Variants in CCN4 observed in about 807,000 individuals in gnomAD.
CCN4 encodes cellular communication network factor 4, also known as CCN family member 4.
In CCN4, 30 loss-of-function variants were observed where a neutral mutation model predicts 36.7. That is an observed-to-expected ratio of 0.82 (90% CI 0.61 to 1.11). The LOEUF (loss-of-function observed/expected upper bound fraction) is 1.11. CCN4 is among the 50% of genes least tolerant of loss of function. The probability of loss-of-function intolerance (pLI) is 0.00; values close to 1 mark genes in which losing one functional copy is unlikely to be tolerated. For synonymous variants in CCN4, 191 were observed against 195.4 expected, an observed-to-expected ratio of 0.98 and a Z score of 0.19; for missense variants, 505 against 504.9, an observed-to-expected ratio of 1.00 and a Z score of 0.00.
In CCN4 at chr8:133,227,953, C is replaced by T. The variant is rs1296818067; in HGVS notation, c.*243C>T. ...AATGCCTGTCTCTAGCTGTTCTGGACTACACCCAAGCCTGATCCAGCCTTT... is the reference window on the plus strand; with the variant it reads ...AATGCCTGTCTCTAGCTGTTCTGGATTACACCCAAGCCTGATCCAGCCTTT... On this transcript the variant is annotated 3_prime_UTR_variant, in exon 5 of 5. Transcript: ENST00000250160. 2.0e-6 allele frequency: 1 copy of T among 490,414 alleles called. No individual in the cohort carries two copies. The highest frequency in any genetic ancestry group is 1.9e-5 in the African/African-American group (1 of 51,946). The allele number at this position is 490,414 out of a possible 1,614,324, so 30.4% of individuals were successfully genotyped here.
Position 133,212,859 on chromosome 8 carries a change from C to A in CCN4, c.70-5C>A, listed in dbSNP as rs779719054. The A allele has an allele frequency of 5.1e-6, 8 of 1,568,214 alleles. No homozygotes were observed. The East Asian group carries it at 9.2e-5, about 18-fold the overall frequency. ...CCCCCCTTTCCCTCTGCCCTCCCCC[C>A]GCAGGCCCTCTCTCCAGCCCCTACG... On this transcript the variant is annotated splice_region_variant and splice_polypyrimidine_tract_variant and intron_variant, in intron 1 of 4. Coordinates refer to ENST00000250160, the MANE Select transcript of CCN4 (RefSeq NM_003882.4).
chr8:133,208,413 G>C (rs1263068504), intron 1 of CCN4, among the ~76,000 whole-genome samples: 1 of 152,190 alleles, frequency 6.6e-6, no homozygotes, highest in Non-Finnish European at 1.5e-5. Context: ...ACTGGATACA[G>C]TGTGGTGTTT....
chr8:133,206,379 G>A (rs753396849), intron 1 of CCN4, among the ~76,000 whole-genome samples: 14 of 152,206 alleles, frequency 9.2e-5, no homozygotes, highest in African/African-American at 2.7e-4. Flanking sequence ...CTCCGCAAGC[G>A]GATGTGCAAG....
At chr8:133,196,499 A>C (rs1258442908) in intron 1 of CCN4, among the ~76,000 whole-genome samples, 1 of 152,158 alleles carries the variant, frequency 6.6e-6, no homozygotes. Context: ...GAAAATGTAA[A>C]ATTTCATCTA....
intron 1 of CCN4, among the ~76,000 whole-genome samples, chr8:133,210,178 G>A (rs1453325791): frequency 6.6e-6 from 1 of 152,170 alleles, no homozygotes; most frequent in Non-Finnish European, 1.5e-5. Flanking sequence ...GCAAGGCCCG[G>A]GCCCTGCCCT....
chr8:133,226,610 G>A (rs1854745811), intron 4 of CCN4, among the ~76,000 whole-genome samples: 1 of 152,220 alleles, frequency 6.6e-6, no homozygotes, highest in Non-Finnish European at 1.5e-5. Flanking sequence ...AGGAATGACA[G>A]CAAAGGTCGT....
Position 133,227,653 on chromosome 8 carries a change from C to A in CCN4, c.1047C>A (p.Pro349=). The A allele has an allele frequency of 6.2e-7, 1 of 1,614,168 alleles. No homozygotes were observed. The highest frequency in any genetic ancestry group is 1.3e-5 in the African/African-American group (1 of 75,054). ...TCTGTAACCTGAGCTGTAGGAATCC[C>A]AATGACATCTTTGCTGACTTGGAAT... is the stretch of plus-strand genomic sequence containing the variant. ...ACFCNLSCRN[P]NDIFADLESY... is the part of the protein sequence containing the mutation. Residue 349 remains proline (P), a synonymous_variant, in exon 5 of 5, where the codon CCC becomes CCA. Transcript: ENST00000250160.
rs1012246307 is a variant in CCN4, at chr8:133,225,267, G to A, written c.611-123G>A. 4 of 983,918 alleles carry A rather than the reference G, an allele frequency of 4.1e-6. No individual in the cohort carries two copies. In the Admixed American group the frequency reaches 7.4e-5, roughly 18 times the overall value. The allele number at this position is 983,918 out of a possible 1,614,324, so 60.9% of individuals were successfully genotyped here. A position where few individuals can be genotyped will look rare whatever the true frequency, so the allele number is the denominator to read the frequency against. On this transcript the variant is annotated intron_variant, in intron 3 of 4. Transcript: ENST00000250160. Reference sequence around the variant, plus strand: ...AGAAGCCAACTTGCTGTCCTGTGGGGAGGTACAGCCAATTTCTGTGTTCCT... The same window carrying A: ...AGAAGCCAACTTGCTGTCCTGTGGGAAGGTACAGCCAATTTCTGTGTTCCT...
chr8:133,202,462 T>G (rs1853621007), intron 1 of CCN4, among the ~76,000 whole-genome samples: 1 of 152,008 alleles, frequency 6.6e-6, no homozygotes, highest in African/African-American at 2.4e-5. Flanking sequence ...GACAAATGAG[T>G]GAATGCATGA....
At chr8:133,212,101 T>A (rs530913931) in intron 1 of CCN4, among the ~76,000 whole-genome samples, 1 of 152,074 alleles carries the variant, frequency 6.6e-6, no homozygotes, top group Non-Finnish European at 1.5e-5. Context: ...GACTGGGGGA[T>A]GGGAATGGGG....
chr8:133,201,064 G>A (rs758028682), intron 1 of CCN4, among the ~76,000 whole-genome samples: 15 of 152,106 alleles, frequency 9.9e-5, no homozygotes, highest in Non-Finnish European at 1.9e-4. Flanking sequence ...CATCCTCGTA[G>A]CCCTTACTTA....
chr8:133,213,040 G>T lies in CCN4; in HGVS notation c.246G>T (p.Gln82His). Residue 82 changes from glutamine to histidine, a missense_variant, in exon 2 of 5, where the codon CAG becomes CAT. By Grantham distance (24) the Gln-to-His change is conservative. Transcript: ENST00000250160. ...AGTGCTGTAAGATGTGCGCTCAGCA[G>T]CTTGGGGACAACTGCACGGAGGCTG... ...GCECCKMCAQ[Q>H]LGDNCTEAAI... 6.2e-7 allele frequency: 1 copy of T among 1,614,172 alleles called. No homozygotes were observed. Among genetic ancestry groups the T allele is most frequent in the Non-Finnish European group, 8.5e-7 (1 of 1,180,004 alleles).
chr8:133,226,145 A>T (rs980920527), intron 4 of CCN4, among the ~76,000 whole-genome samples: 5 of 152,242 alleles, frequency 3.3e-5, no homozygotes, highest in African/African-American at 1.2e-4. Context: ...GGGCCACATT[A>T]GTTTGAGCCC....
intron 2 of CCN4, among the ~76,000 whole-genome samples, chr8:133,215,672 C>T (rs1344970125): frequency 6.6e-6 from 1 of 152,086 alleles, no homozygotes; most frequent in Non-Finnish European, 1.5e-5. Flanking sequence ...TGACCCAGTA[C>T]AGCCACTTAA....
At chr8:133,208,993 A>G (rs748776985) in intron 1 of CCN4, among the ~76,000 whole-genome samples, 2 of 152,172 alleles carry the variant, frequency 1.3e-5, no homozygotes, top group Non-Finnish European at 2.9e-5. Flanking sequence ...TGTTGGCCTC[A>G]CTAGGTGGGG....
intron 1 of CCN4, among the ~76,000 whole-genome samples, chr8:133,211,660 C>T (rs1432779066): frequency 6.6e-6 from 1 of 152,194 alleles, no homozygotes; most frequent in Admixed American, 6.5e-5. Context: ...GGGAGCAGCC[C>T]AGAGCCCAGC....
intron 2 of CCN4, among the ~76,000 whole-genome samples, chr8:133,219,776 G>A (rs1002657575): frequency 2.0e-5 from 3 of 152,088 alleles, no homozygotes; most frequent in African/African-American, 4.8e-5. Context: ...TGATTTTTCT[G>A]AAATAGATTA....
intron 1 of CCN4, among the ~76,000 whole-genome samples, chr8:133,191,793 G>A (rs55884058): frequency 8.5e-5 from 13 of 152,104 alleles, no homozygotes; most frequent in African/African-American, 1.4e-4. Context: ...TGTCACCTCC[G>A]GTCTGCACAG....
intron 2 of CCN4, among the ~76,000 whole-genome samples, chr8:133,216,882 T>C (rs1202959700): frequency 1.3e-5 from 2 of 152,246 alleles, no homozygotes; most frequent in Non-Finnish European, 2.9e-5. Flanking sequence ...TGGCTGCTCT[T>C]GGCTTGCCTT....
Sources: gnomAD v4.1 joint callset for allele counts (sites outside exome capture counted in the v4.1 genomes callset) on GRCh38, gnomAD v4.1.1 for gene constraint, MANE v1.5 for transcripts, NCBI Gene and HGNC (gene_info 2026-07-23, HGNC 2026-07-21) for gene names.